Variants in UGT2A1 observed in about 807,000 individuals in gnomAD.
The protein encoded by UGT2A1 is UDP glucuronosyltransferase family 2 member A1 complex locus.
UGT2A1 carries 61 observed loss-of-function variants against 45.4 expected under a neutral mutation model. That is an observed-to-expected ratio of 1.34 (90% CI 1.09 to 1.66). The LOEUF (loss-of-function observed/expected upper bound fraction) is 1.66, where lower values mean the gene tolerates loss of function less well. Among genes scored for constraint, UGT2A1 ranks in the 40% most tolerant of loss-of-function variants. UGT2A1 has a pLI of 0.00. For missense variants in UGT2A1, 649 were observed against 574.3 expected, an observed-to-expected ratio of 1.13 and a Z score of -1.33; for synonymous variants, 229 against 196.2, an observed-to-expected ratio of 1.17 and a Z score of -1.40.
chr4:69,639,861 G>A (rs550887382), intron 2 of UGT2A1, among the ~76,000 whole-genome samples: 2 of 151,874 alleles, frequency 1.3e-5, no homozygotes, highest in Admixed American at 1.3e-4. Context: ...GGAAGCACGG[G>A]GTTATAAACC....
chr4:69,640,986 A>G (rs1022724492), intron 2 of UGT2A1, among the ~76,000 whole-genome samples: 15 of 151,962 alleles, frequency 9.9e-5, no homozygotes, highest in African/African-American at 3.4e-4. Flanking sequence ...AAAGCAAAAC[A>G]TTATAGAAAA....
intron 6 of UGT2A1, among the ~76,000 whole-genome samples, chr4:69,590,068 C>T (rs185645476): frequency 9.2e-5 from 14 of 152,166 alleles, no homozygotes; most frequent in South Asian, 2.1e-4. Flanking sequence ...ATATGACAGA[C>T]AAAGGAAATT....
intron 2 of UGT2A1, chr4:69,639,383 G>A (rs1721921357): frequency 6.2e-7 from 1 of 1,613,544 alleles, no homozygotes; most frequent in South Asian, 1.1e-5. Flanking sequence ...TCTTCTTGTA[G>A]GAAACAGGTA....
rs1719348838 is a variant in UGT2A1 at position 69,602,457 on chromosome 4, A to G, written c.848-3063T>C. ...ACAATTTTTAGAATAACAAAGATTT[A>G]GGAGTTTATCTATCTATCTATCTAT... On this transcript the variant is annotated intron_variant, in intron 3 of 6. Transcript: ENST00000286604. 1.9e-5 allele frequency among the ~76,000 whole-genome samples: 2 copies of G among 105,924 alleles called. 1 individual carries two copies. Among genetic ancestry groups the G allele is most frequent in the Non-Finnish European group, 3.9e-5 (2 of 51,254 alleles). 69.5% of individuals were successfully genotyped at this position (105,924 alleles called of 152,430 possible).
Position 69,613,900 on chromosome 4 carries a change from C to A in UGT2A1, c.848-14506G>T, listed in dbSNP as rs147123669. Among the ~76,000 whole-genome samples, 668 of 152,132 alleles carry A rather than the reference C, an allele frequency of 4.4e-3. 7 individuals carry two copies. Among genetic ancestry groups the A allele is most frequent in the African/African-American group, 0.015 (612 of 41,550 alleles). On this transcript the variant is annotated intron_variant, in intron 3 of 6. Transcript: ENST00000286604. ...GAATGAGTACAAATTGAAAGCCTTT[C>A]TTCTAAGATCTGGAAGAAGAGTAGG...
Position 69,647,038 on chromosome 4 carries a change from G to C in UGT2A1, c.607C>G (p.Gln203Glu), listed in dbSNP as rs747248663. ...VPAVLSELTD[Q>E]MSFTDRIRNF... is the part of the protein sequence containing the mutation. ...CTTATTCTGTCAGTGAAAGACATTT[G>C]GTCGGTGAGTTCTGATAAAACAGCA... The change falls in exon 2 of 7, where the codon CAA becomes GAA. Residue 203 changes from glutamine to glutamate, a missense_variant. Transcript: ENST00000286604. 6.2e-7 allele frequency: 1 copy of C among 1,612,816 alleles called. No individual in the cohort carries two copies. The highest frequency in any genetic ancestry group is 2.2e-5 in the East Asian group (1 of 44,844).
At chr4:69,632,630 C>G (rs1721448946) in intron 3 of UGT2A1, among the ~76,000 whole-genome samples, 1 of 152,042 alleles carries the variant, frequency 6.6e-6, no homozygotes. Flanking sequence ...TGACTCAGGC[C>G]TGTAATCCCA....
rs1718478818 is a variant in UGT2A1, at chr4:69,589,658, G to C, written c.1305-7C>G. ...CATAGCATTCTCTTTATAACTAGAAGACAAATAAATAGGCAGAAATTAGAC... is the reference window on the plus strand; with the variant it reads ...CATAGCATTCTCTTTATAACTAGAACACAAATAAATAGGCAGAAATTAGAC... On this transcript the variant is annotated splice_region_variant and splice_polypyrimidine_tract_variant and intron_variant, in intron 6 of 6. Coordinates refer to ENST00000286604, the MANE Select transcript of UGT2A1 (RefSeq NM_001252275.3). 6.3e-7 allele frequency: 1 copy of C among 1,588,682 alleles called. No individual in the cohort carries two copies. Among genetic ancestry groups the C allele is most frequent in the Non-Finnish European group, 8.6e-7 (1 of 1,166,296 alleles).
At chr4:69,595,405 A>G (rs1406253302) in intron 4 of UGT2A1, among the ~76,000 whole-genome samples, 156 bp from the exon 5 acceptor site, 1 of 152,244 alleles carries the variant, frequency 6.6e-6, no homozygotes, top group African/African-American at 2.4e-5. Context: ...AGGACTGTTT[A>G]TATGTACCTT....
In UGT2A1 at chr4:69,606,878, C is replaced by A. The variant is rs1577960901; in HGVS notation, c.848-7484G>T. 5.2e-5 allele frequency among the ~76,000 whole-genome samples: 7 copies of A among 135,808 alleles called. 2 individuals are homozygous for A. Among genetic ancestry groups the A allele is most frequent in the African/African-American group, 1.8e-4 (6 of 33,472 alleles). 89.1% of individuals were successfully genotyped at this position (135,808 alleles called of 152,430 possible). A position where few individuals can be genotyped will look rare whatever the true frequency, so the allele number is the denominator to read the frequency against. ...TCCAACTTACAAGGGACGTAAGGAC[C>A]TCTTCAAGAACTACAAACCACTGCT... On this transcript the variant is annotated intron_variant, in intron 3 of 6. Coordinates refer to ENST00000286604, the MANE Select transcript of UGT2A1 (RefSeq NM_001252275.3).
At chr4:69,650,763 C>T (rs1003698313) in intron 1 of UGT2A1, among the ~76,000 whole-genome samples, 1 of 151,982 alleles carries the variant, frequency 6.6e-6, no homozygotes, top group Non-Finnish European at 1.5e-5. Context: ...TTTCTCTTCC[C>T]TAGAGAAATT....
intron 3 of UGT2A1, 198 bp from the exon 4 acceptor site, chr4:69,599,592 G>T (rs989976400): frequency 2.7e-6 from 2 of 732,358 alleles, no homozygotes; most frequent in African/African-American, 1.9e-5. Flanking sequence ...AGGAAGAAAA[G>T]AAGGAAGGAA....
intron 3 of UGT2A1, among the ~76,000 whole-genome samples, chr4:69,602,703 T>A (rs1719366055): frequency 7.3e-6 from 1 of 137,708 alleles, no homozygotes; most frequent in Non-Finnish European, 1.5e-5. Flanking sequence ...AGTTACATAA[T>A]CTATTCATGC....
intron 2 of UGT2A1, among the ~76,000 whole-genome samples, chr4:69,640,061 A>G (rs1273672852): frequency 6.6e-6 from 1 of 151,980 alleles, no homozygotes; most frequent in Non-Finnish European, 1.5e-5. Flanking sequence ...CATAAAGCCA[A>G]CTGATTGTTG....
chr4:69,617,887 A>T (rs1398962759), intron 3 of UGT2A1, among the ~76,000 whole-genome samples: 2 of 151,892 alleles, frequency 1.3e-5, no homozygotes, highest in Non-Finnish European at 2.9e-5. Flanking sequence ...TTTCCTGAGG[A>T]AGAAACAAAA....
intron 3 of UGT2A1, among the ~76,000 whole-genome samples, chr4:69,624,298 C>T (rs1720916055): frequency 6.6e-6 from 1 of 151,344 alleles, no homozygotes; most frequent in Non-Finnish European, 1.5e-5. Flanking sequence ...GCCACTCCAC[C>T]TTTACTTTAC....
intron 3 of UGT2A1, among the ~76,000 whole-genome samples, chr4:69,600,524 CT>C (rs753830259): frequency 5.3e-5 from 8 of 152,180 alleles, no homozygotes; most frequent in Non-Finnish European, 1.0e-4. Flanking sequence ...GACATCCCTA[CT>C]TTAGAGGAGC....
chr4:69,621,946 A>G (rs1427743344), intron 3 of UGT2A1, among the ~76,000 whole-genome samples: 2 of 151,868 alleles, frequency 1.3e-5, no homozygotes, highest in African/African-American at 2.4e-5. Flanking sequence ...TACAAGTTAG[A>G]GCTAAATGAT....
At chr4:69,643,901 C>T (rs1722145523) in intron 2 of UGT2A1, among the ~76,000 whole-genome samples, 1 of 151,584 alleles carries the variant, frequency 6.6e-6, no homozygotes, top group Admixed American at 6.6e-5. Flanking sequence ...TTCCATTTAT[C>T]ATTCTCCTTT....
Sources: allele counts gnomAD v4.1 joint callset (sites outside exome capture counted in the v4.1 genomes callset), GRCh38; gene constraint gnomAD v4.1.1; transcripts MANE v1.5; gene names NCBI Gene and HGNC (gene_info 2026-07-23, HGNC 2026-07-21).